Variants in GRM7 observed in about 807,000 individuals in gnomAD.
GRM7 encodes the protein metabotropic glutamate receptor 7.
In GRM7, 35 loss-of-function variants were observed where a neutral mutation model predicts 84.5. The ratio of observed to expected loss-of-function variants is 0.41; its 90% CI spans 0.32 to 0.55. The LOEUF is 0.55. GRM7 is among the 20% of genes least tolerant of loss of function. The probability of loss-of-function intolerance (pLI) is 0.19; values close to 1 mark genes in which losing one functional copy is unlikely to be tolerated. For synonymous variants in GRM7, 487 were observed against 455.1 expected (o/e 1.07, Z -0.89); for missense variants, 1,003 against 1,194.6 (o/e 0.84, Z 2.36).
At chr3:7,418,992 T>C (rs934860937) in intron 5 of GRM7, among the ~76,000 whole-genome samples, 2 of 152,178 alleles carry the variant, frequency 1.3e-5, no homozygotes, top group Admixed American at 6.6e-5. Context: ...ATAAAGGGTC[T>C]GAAATTTTAC....
At chr3:6,958,953 A>G (rs375279617) in intron 1 of GRM7, among the ~76,000 whole-genome samples, 1 of 152,330 alleles carries the variant, frequency 6.6e-6, no homozygotes, top group East Asian at 1.9e-4. Context: ...ATAAAATTAT[A>G]ACTCAAAACC....
At chr3:7,210,742 T>A (rs1696394942) in intron 2 of GRM7, among the ~76,000 whole-genome samples, 1 of 151,950 alleles carries the variant, frequency 6.6e-6, no homozygotes, top group Non-Finnish European at 1.5e-5. Context: ...GCTCTGGGCA[T>A]GTGATAGGAA....
intron 2 of GRM7, among the ~76,000 whole-genome samples, chr3:7,180,903 C>G (rs980768454): frequency 1.3e-5 from 2 of 152,118 alleles, no homozygotes; most frequent in African/African-American, 4.8e-5. Context: ...TTAAGCCAGT[C>G]CTTTTTATCC....
At chr3:7,133,157 A>G (rs1693660222) in intron 1 of GRM7, among the ~76,000 whole-genome samples, 1 of 152,206 alleles carries the variant, frequency 6.6e-6, no homozygotes, top group Non-Finnish European at 1.5e-5. Flanking sequence ...TAGGAAACAC[A>G]AGGAGCTCTG....
At chr3:7,098,411 C>T (rs1698930847) in intron 1 of GRM7, among the ~76,000 whole-genome samples, 1 of 151,882 alleles carries the variant, frequency 6.6e-6, no homozygotes, top group South Asian at 2.1e-4. Context: ...AAACTAGTGA[C>T]TCATAGGGTC....
chr3:7,485,752 C>G (rs934227939), intron 7 of GRM7, among the ~76,000 whole-genome samples: 1 of 152,124 alleles, frequency 6.6e-6, no homozygotes, highest in Non-Finnish European at 1.5e-5. Context: ...TTTACAGAAA[C>G]CATAGAAAAC....
rs547827183 is a variant in GRM7 at position 7,093,734 on chromosome 3, T to C, written c.520-52718T>C. On this transcript the variant is annotated intron_variant, in intron 1 of 9. Coordinates refer to ENST00000357716, the MANE Select transcript of GRM7 (RefSeq NM_000844.4). ...AAAAAAGGTAGTTAGTGGCCTTTGC[T>C]CTTTTACATTTAAGACATTGGAAGG... is the stretch of plus-strand genomic sequence containing the variant. Among the ~76,000 whole-genome samples the C allele has an allele frequency of 3.6e-5, 5 of 140,684 alleles. No homozygotes were observed. In the East Asian group the frequency reaches 1.1e-3, roughly 32 times the overall value. 92.3% of individuals were successfully genotyped at this position (140,684 alleles called of 152,430 possible).
intron 1 of GRM7, among the ~76,000 whole-genome samples, chr3:7,140,890 G>A (rs1470828880): frequency 1.3e-5 from 2 of 151,784 alleles, no homozygotes; most frequent in African/African-American, 4.8e-5. Flanking sequence ...GGAGACTTTG[G>A]GCCATATGAT....
At chr3:7,049,755 G>T (rs763150975) in intron 1 of GRM7, among the ~76,000 whole-genome samples, 1 of 151,874 alleles carries the variant, frequency 6.6e-6, no homozygotes, top group African/African-American at 2.4e-5. Flanking sequence ...GAATGTATTT[G>T]AGCTGAGAAC....
chr3:7,662,446 T>G (rs1248925907), intron 8 of GRM7, among the ~76,000 whole-genome samples: 1 of 152,216 alleles, frequency 6.6e-6, no homozygotes, highest in Non-Finnish European at 1.5e-5. Flanking sequence ...ATTATAAGTC[T>G]GATAAGACAT....
intron 1 of GRM7, among the ~76,000 whole-genome samples, chr3:6,919,373 T>TG (rs1697045670): frequency 6.8e-6 from 1 of 147,462 alleles, no homozygotes; most frequent in African/African-American, 2.5e-5. Flanking sequence ...TAATTTTTTT[T>TG]TTTTTTTTTT....
At chr3:6,985,104 G>T (rs545428465) in intron 1 of GRM7, among the ~76,000 whole-genome samples, 1 of 152,042 alleles carries the variant, frequency 6.6e-6, no homozygotes, top group Admixed American at 6.6e-5. Flanking sequence ...GTACATAGTA[G>T]ACATATATAC....
At chr3:7,200,708 C>T (rs1001710010) in intron 2 of GRM7, among the ~76,000 whole-genome samples, 4 of 152,118 alleles carry the variant, frequency 2.6e-5, no homozygotes, top group African/African-American at 9.7e-5. Flanking sequence ...GATAATGACG[C>T]TACTAGTTCA....
At chr3:7,489,599 G>C (rs769895913) in intron 7 of GRM7, among the ~76,000 whole-genome samples, 3 of 152,124 alleles carry the variant, frequency 2.0e-5, no homozygotes, top group Non-Finnish European at 4.4e-5. Flanking sequence ...TAATGTTCCT[G>C]TGATTTAGTC....
chr3:7,211,747 T>C (rs1304945031), intron 2 of GRM7, among the ~76,000 whole-genome samples: 1 of 151,458 alleles, frequency 6.6e-6, no homozygotes, highest in Non-Finnish European at 1.5e-5. Flanking sequence ...AAGAAATTCA[T>C]TTTGCACTTT....
chr3:7,127,525 T>G (rs939561959), intron 1 of GRM7, among the ~76,000 whole-genome samples: 1 of 152,224 alleles, frequency 6.6e-6, no homozygotes. Context: ...TCCCTGTTAG[T>G]ATTCTTTAGC....
At chr3:7,687,804 A>G (rs1320505653) in intron 9 of GRM7, among the ~76,000 whole-genome samples, 1 of 152,142 alleles carries the variant, frequency 6.6e-6, no homozygotes, top group Non-Finnish European at 1.5e-5. Context: ...GTATGGTAAA[A>G]CAGCATAAGA....
intron 2 of GRM7, among the ~76,000 whole-genome samples, chr3:7,189,449 T>C (rs904451435): frequency 8.5e-5 from 13 of 152,210 alleles, no homozygotes; most frequent in Non-Finnish European, 1.6e-4. Flanking sequence ...TGAAGATTAA[T>C]GCTGTAAATA....
At chr3:7,267,327 A>G (rs1698679816) in intron 2 of GRM7, among the ~76,000 whole-genome samples, 1 of 152,266 alleles carries the variant, frequency 6.6e-6, no homozygotes, top group South Asian at 2.1e-4. Flanking sequence ...AAAAAGGCTA[A>G]TAAGAAAAAG....
Sources: gnomAD v4.1 joint callset for allele counts (sites outside exome capture counted in the v4.1 genomes callset) on GRCh38, gnomAD v4.1.1 for gene constraint, MANE v1.5 for transcripts, NCBI Gene and HGNC (gene_info 2026-07-23, HGNC 2026-07-21) for gene names.